Variants in PRRC2A observed in about 807,000 individuals in gnomAD.
PRRC2A encodes protein PRRC2A.
Under a neutral mutation model 224.6 loss-of-function variants are expected in PRRC2A, and 59 were observed. The ratio of observed to expected loss-of-function variants is 0.26; its 90% CI spans 0.21 to 0.33. PRRC2A has a LOEUF of 0.33. Among genes scored for constraint, PRRC2A ranks in the 10% least tolerant of loss-of-function variants. The probability of loss-of-function intolerance (pLI) is 1.00; values close to 1 mark genes in which losing one functional copy is unlikely to be tolerated. For synonymous variants in PRRC2A, 1,194 were observed against 1,109.5 expected (o/e 1.08, Z -1.51); for missense variants, 3,095 against 2,880.7 (o/e 1.07, Z -1.70).
chr6:31,622,721 C>G lies in PRRC2A; in HGVS notation c.-69C>G, dbSNP rs1391962745. 4 of 1,187,152 alleles carry G rather than the reference C, an allele frequency of 3.4e-6. No individual in the cohort carries two copies. Among genetic ancestry groups the G allele is most frequent in the Non-Finnish European group, 5.0e-6 (4 of 802,760 alleles). 73.5% of individuals were successfully genotyped at this position (1,187,152 alleles called of 1,614,324 possible). ...GAGACTGAGACACTTGCTGTCTGGC[C>G]CACAGGCTCTGGCACGTTTTGGGGG... On this transcript the variant is annotated 5_prime_UTR_variant, in exon 2 of 31. Transcript: ENST00000376033.
At chr6:31,628,926 TC>T (rs1295473523) in intron 12 of PRRC2A, 2 of 557,884 alleles carry the variant, frequency 3.6e-6, no homozygotes, top group Admixed American at 7.1e-5. Flanking sequence ...GTACTGTTGT[TC>T]TAATGGTTTC....
chr6:31,622,285 A>G (rs1028498744), intron 1 of PRRC2A, among the ~76,000 whole-genome samples: 9 of 152,346 alleles, frequency 5.9e-5, no homozygotes, highest in Middle Eastern at 3.4e-3. Context: ...TGTGTCCAAT[A>G]AACAGGGAAT....
In PRRC2A at chr6:31,625,805, A is replaced by G. The variant is rs1217997708; in HGVS notation, c.773A>G (p.Tyr258Cys). ...GMMPPFMYPP[Y>C]LPFPPPYGPQ... is the part of the protein sequence containing the mutation. The stretch of plus-strand genomic sequence containing the variant: ...ACCCTTTTACAGATGTATCCCCCAT[A>G]TCTCCCGTTCCCTCCGCCCTATGGA... Residue 258 changes from tyrosine to cysteine, a missense_variant, in exon 8 of 31, where the codon TAT becomes TGT. Transcript: ENST00000376033. This position sits in a 1 kb window ranked among gnomAD's most constrained non-coding sequence, Gnocchi z 4.1. 5.1e-6 allele frequency: 8 copies of G among 1,580,264 alleles called. No individual in the cohort carries two copies. Among genetic ancestry groups the G allele is most frequent in the Non-Finnish European group, 6.1e-6 (7 of 1,150,200 alleles).
chr6:31,633,931 G>A lies in PRRC2A; in HGVS notation c.4661G>A (p.Ser1554Asn). The A allele has an allele frequency of 1.3e-6, 2 of 1,592,648 alleles. No individual in the cohort carries two copies. The highest frequency in any genetic ancestry group is 1.7e-6 in the Non-Finnish European group (2 of 1,174,882). The change falls in exon 18 of 31, where the codon AGT becomes AAT. Residue 1554 changes from serine (S) to asparagine (N), a missense_variant. Coordinates refer to ENST00000376033, the MANE Select transcript of PRRC2A (RefSeq NM_004638.4). The part of the protein sequence containing the change: ...GGTPRDSAGV[S>N]PFPPKRRERP... ...ACTCCTCGGGACTCTGCCGGGGTTA[G>A]TCCCTTTCCCCCTAAACGTCGGGAG...
chr6:31,624,441 C>A lies in PRRC2A; in HGVS notation c.391-9C>A, dbSNP rs773859134. ...ACATCATTTATCATCTTTCTGAACA[C>A]TTCCCCAGAACACTCCTTTGGTTCC... On this transcript the variant is annotated splice_polypyrimidine_tract_variant and intron_variant, in intron 4 of 30. Transcript: ENST00000376033. The A allele has an allele frequency of 1.2e-6, 2 of 1,612,882 alleles. No homozygotes were observed. The highest frequency in any genetic ancestry group is 2.2e-5 in the South Asian group (2 of 91,054).
Position 31,631,477 on chromosome 6 carries a change from G to T in PRRC2A, c.2804G>T (p.Arg935Leu), listed in dbSNP as rs376177895. The T allele has an allele frequency of 1.9e-6, 3 of 1,610,030 alleles. No homozygotes were observed. Among genetic ancestry groups the T allele is most frequent in the Non-Finnish European group, 2.5e-6 (3 of 1,178,738 alleles). Residue 935 changes from arginine (R) to leucine (L), a missense_variant, in exon 16 of 31, where the codon CGT becomes CTT. By Grantham distance (102) the Arg-to-Leu change is moderately radical. Around this residue, in one of 8 missense-constraint regions of PRRC2A, gnomAD observed 2,001 missense variants for 1,764.9 expected, o/e 1.13. Transcript: ENST00000376033. This position sits in a 1 kb window ranked among gnomAD's most constrained non-coding sequence, Gnocchi z 4.5. ...GGCCCTCGTCCAGGGAGCAGTCGTC[G>T]TGGAATCCCTCCAGAGGAGCCAGGG... ...RWGPRPGSSR[R>L]GIPPEEPGAP...
rs892817845 is a variant in PRRC2A, at chr6:31,627,383, T to G, written c.1290+185T>G. Among the ~76,000 whole-genome samples the G allele has an allele frequency of 1.3e-5, 2 of 151,934 alleles. No homozygotes were observed. Among genetic ancestry groups the G allele is most frequent in the African/African-American group, 4.8e-5 (2 of 41,308 alleles). ...GTAATAGGGGAGTCTGGGTAAGAAG[T>G]GAGAAACTGGGATGCTAATGAGGAA... On this transcript the variant is annotated intron_variant, in intron 11 of 30. Transcript: ENST00000376033. This position sits in a 1 kb window ranked among gnomAD's most constrained non-coding sequence, Gnocchi z 5.6.
rs1374900918 is a variant in PRRC2A, at chr6:31,631,063, A to C, written c.2466-76A>C. 2.2e-6 allele frequency: 3 copies of C among 1,369,320 alleles called. No individual in the cohort carries two copies. The highest frequency in any genetic ancestry group is 1.9e-4 in the Middle Eastern group (1 of 5,342). The allele number at this position is 1,369,320 out of a possible 1,614,324, so 84.8% of individuals were successfully genotyped here. A position where few individuals can be genotyped will look rare whatever the true frequency, so the allele number is the denominator to read the frequency against. ...AATAGTAAAAGAGAGTCTGCATCATAATAAAGTGTTCTTTTCCCACCTAGT... is the reference window on the plus strand; with the variant it reads ...AATAGTAAAAGAGAGTCTGCATCATCATAAAGTGTTCTTTTCCCACCTAGT... On this transcript the variant is annotated intron_variant, in intron 15 of 30. Coordinates refer to ENST00000376033, the MANE Select transcript of PRRC2A (RefSeq NM_004638.4). This position sits in a 1 kb window ranked among gnomAD's most constrained non-coding sequence, Gnocchi z 4.5.
chr6:31,635,244 C>T lies in PRRC2A; in HGVS notation c.5273C>T (p.Pro1758Leu), dbSNP rs1334118326. The T allele has an allele frequency of 6.2e-7, 1 of 1,614,176 alleles. No individual in the cohort carries two copies. Among genetic ancestry groups the T allele is most frequent in the Non-Finnish European group, 8.5e-7 (1 of 1,180,040 alleles). ...ATTCGGCCATCCCATCGACCTGGTC[C>T]CCCAGTCCAGTTTGGCACTAGTGAC... Reference protein sequence around the residue: ...GPIRPSHRPGPPVQFGTSDKD... With the variant: ...GPIRPSHRPGLPVQFGTSDKD... The change falls in exon 22 of 31, where the codon CCC becomes CTC. Residue 1758 changes from proline (P) to leucine (L), a missense_variant. By Grantham distance (98) the Pro-to-Leu change is moderately conservative. Coordinates refer to ENST00000376033, the MANE Select transcript of PRRC2A (RefSeq NM_004638.4).
Position 31,625,999 on chromosome 6 carries a change from C to T in PRRC2A, c.840-21C>T, listed in dbSNP as rs1775867033. Reference sequence around the variant, plus strand: ...TGTGGTTATACAACATGCCATATTTCATTTTCTTTTTTGTGTACAGCCGTT... The same window carrying T: ...TGTGGTTATACAACATGCCATATTTTATTTTCTTTTTTGTGTACAGCCGTT... On this transcript the variant is annotated intron_variant, in intron 8 of 30. Transcript: ENST00000376033. This position sits in a 1 kb window ranked among gnomAD's most constrained non-coding sequence, Gnocchi z 4.1. 6.2e-7 allele frequency: 1 copy of T among 1,609,846 alleles called. No individual in the cohort carries two copies. The highest frequency in any genetic ancestry group is 1.1e-5 in the South Asian group (1 of 90,758).
At position 31,631,295 on chromosome 6, in the gene PRRC2A, C is replaced by T; in HGVS notation, c.2622C>T (p.Ala874=). 6.2e-7 allele frequency: 1 copy of T among 1,611,808 alleles called. No individual in the cohort carries two copies. Among genetic ancestry groups the T allele is most frequent in the Non-Finnish European group, 8.5e-7 (1 of 1,179,550 alleles). ...LPWPPGSDEV[A]KIQTPPPKKE... ...GGCCCCCAGGCAGTGATGAAGTGGC[C>T]AAGATACAAACTCCACCACCCAAGA... The change falls in exon 16 of 31, where the codon GCC becomes GCT. Residue 874 remains alanine (A), a synonymous_variant. Transcript: ENST00000376033. The surrounding 1 kb of genome is among the most constrained non-coding windows in gnomAD (Gnocchi z 4.5).
Position 31,622,828 on chromosome 6 carries a change from T to C in PRRC2A, c.39T>C (p.Asp13=), listed in dbSNP as rs1475059161. 2 of 1,613,950 alleles carry C rather than the reference T, an allele frequency of 1.2e-6. No homozygotes were observed. Among genetic ancestry groups the C allele is most frequent in the East Asian group, 2.2e-5 (1 of 44,888 alleles). Residue 13 remains aspartate (D), a synonymous_variant, in exon 2 of 31, where the codon GAT becomes GAC. Coordinates refer to ENST00000376033, the MANE Select transcript of PRRC2A (RefSeq NM_004638.4). The stretch of plus-strand genomic sequence containing the variant: ...CGGGGCCGACTGCCAAGGGAAAGGA[T>C]GGAAAGAAGTATTCCTCGCTCAACC... ...DRSGPTAKGK[D]GKKYSSLNLF...
intron 1 of PRRC2A, among the ~76,000 whole-genome samples, chr6:31,621,826 G>A (rs1219288624): frequency 2.0e-5 from 3 of 152,216 alleles, no homozygotes; most frequent in African/African-American, 7.2e-5. Context: ...CGTCCGGCTT[G>A]CTTAGGGAGC....
Position 31,622,692 on chromosome 6 carries a change from G to A in PRRC2A, c.-98G>A. 1 of 839,904 alleles carries A rather than the reference G, an allele frequency of 1.2e-6. No homozygotes were observed. Among genetic ancestry groups the A allele is most frequent in the Non-Finnish European group, 2.0e-6 (1 of 498,060 alleles). The allele number at this position is 839,904 out of a possible 1,614,324, so 52.0% of individuals were successfully genotyped here. On this transcript the variant is annotated splice_region_variant and 5_prime_UTR_variant, in exon 2 of 31. Transcript: ENST00000376033. ...AGTTTCTGTTATGGTCTGTACAGGG[G>A]ACAGAGACTGAGACACTTGCTGTCT... is the stretch of plus-strand genomic sequence containing the variant.
At position 31,636,678 on chromosome 6, in the gene PRRC2A, G is replaced by T. The variant is rs1408635507; in HGVS notation, c.5935-55G>T. The T allele has an allele frequency of 6.3e-7, 1 of 1,596,340 alleles. No individual in the cohort carries two copies. Among genetic ancestry groups the T allele is most frequent in the South Asian group, 1.1e-5 (1 of 90,228 alleles). ...CAGTTGCTGGCTTTGATTTTCCCTG[G>T]TTTTCTGACATTCCTCCCTGCCCCC... On this transcript the variant is annotated intron_variant, in intron 27 of 30. Transcript: ENST00000376033. The surrounding 1 kb of genome is among the most constrained non-coding windows in gnomAD (Gnocchi z 4.3).
intron 16 of PRRC2A, 151 bp from the exon 17 acceptor site, chr6:31,633,228 A>G (rs1332225828): frequency 1.1e-5 from 13 of 1,206,264 alleles, no homozygotes; most frequent in African/African-American, 3.0e-5. Context: ...CAGTCTGTGC[A>G]TCTGTATGCA....
chr6:31,632,079 C>T lies in PRRC2A; in HGVS notation c.3406C>T (p.Pro1136Ser). 6.4e-7 allele frequency: 1 copy of T among 1,554,674 alleles called. No individual in the cohort carries two copies. ...TPKEGTLTQV[P>S]LAPPPPGAPP... ...CAAGGAGGGAACACTCACCCAGGTC[C>T]CTCTCGCTCCCCCACCACCAGGAGC... is the stretch of plus-strand genomic sequence containing the variant. Residue 1136 changes from proline to serine, a missense_variant, in exon 16 of 31, where the codon CCT becomes TCT. Transcript: ENST00000376033.
intron 15 of PRRC2A, 146 bp from the exon 16 acceptor site, chr6:31,630,993 C>A (rs754703676): frequency 1.7e-6 from 2 of 1,201,058 alleles, no homozygotes; most frequent in Non-Finnish European, 2.3e-6. Context: ...CAGTTCGAGA[C>A]TAGCCTCGGC....
intron 1 of PRRC2A, among the ~76,000 whole-genome samples, chr6:31,621,518 A>ATT (rs1379265599): frequency 1.4e-5 from 2 of 143,356 alleles, no homozygotes; most frequent in Non-Finnish European, 3.0e-5. Flanking sequence ...GTTTCCATAT[A>ATT]TTTTCCACCT....
Sources: allele counts gnomAD v4.1 joint callset (sites outside exome capture counted in the v4.1 genomes callset), GRCh38; gene constraint gnomAD v4.1.1; regional missense constraint gnomAD v4.1.1; non-coding constraint Gnocchi (gnomAD v3.1); transcripts MANE v1.5; gene names NCBI Gene and HGNC (gene_info 2026-07-23, HGNC 2026-07-21).